The following SPAG16 variants were observed in gnomAD, a reference collection of about 807,000 sequenced individuals.
SPAG16 encodes the protein sperm-associated antigen 16 protein.
In SPAG16, 86 loss-of-function variants were observed where a neutral mutation model predicts 80.4. That is an observed-to-expected ratio of 1.07 (90% CI 0.90 to 1.28). The LOEUF is 1.28. Among genes scored for constraint, SPAG16 ranks in the 50% most tolerant of loss-of-function variants. The pLI is 0.00. For synonymous variants in SPAG16, 294 were observed against 265.9 expected (o/e 1.11, Z -1.03); for missense variants, 870 against 765.3 (o/e 1.14, Z -1.61).
intron 9 of SPAG16, among the ~76,000 whole-genome samples, chr2:213,380,342 C>T (rs778729354): frequency 2.0e-5 from 3 of 152,174 alleles, no homozygotes; most frequent in Non-Finnish European, 4.4e-5. Context: ...ATGAATCAGG[C>T]CCTAGTCTTC....
intron 15 of SPAG16, among the ~76,000 whole-genome samples, chr2:214,317,870 C>A (rs764913628): frequency 6.6e-6 from 1 of 152,170 alleles, no homozygotes; most frequent in Admixed American, 6.5e-5. Context: ...TTGCCTAAAC[C>A]GATCGTGGTC....
intron 10 of SPAG16, among the ~76,000 whole-genome samples, chr2:213,687,713 A>G (rs1454683238): frequency 6.6e-6 from 1 of 152,208 alleles, no homozygotes; most frequent in Non-Finnish European, 1.5e-5. Context: ...CAATTTGAAT[A>G]TAATGTATCT....
At chr2:213,393,986 A>G (rs2067906948) in intron 9 of SPAG16, among the ~76,000 whole-genome samples, 1 of 152,126 alleles carries the variant, frequency 6.6e-6, no homozygotes, top group South Asian at 2.1e-4. Flanking sequence ...TTTGTGATCA[A>G]TTCTATTAAT....
intron 10 of SPAG16, among the ~76,000 whole-genome samples, chr2:213,758,941 GA>G (rs2068495532): frequency 6.6e-6 from 1 of 152,160 alleles, no homozygotes; most frequent in Non-Finnish European, 1.5e-5. Flanking sequence ...TACTTATAAG[GA>G]ATAATCAGTA....
intron 10 of SPAG16, among the ~76,000 whole-genome samples, chr2:213,678,837 C>T (rs1272896135): frequency 6.6e-6 from 1 of 152,136 alleles, no homozygotes; most frequent in Non-Finnish European, 1.5e-5. Flanking sequence ...CTGTTTGGAA[C>T]ACAGAAATGG....
At chr2:214,351,294 A>G (rs548325490) in intron 15 of SPAG16, among the ~76,000 whole-genome samples, 8 of 152,252 alleles carry the variant, frequency 5.3e-5, no homozygotes, top group African/African-American at 1.7e-4. Context: ...GCATTGTAGG[A>G]TCACTTCTGT....
intron 14 of SPAG16, among the ~76,000 whole-genome samples, chr2:214,147,162 C>G (rs1178568039): frequency 1.3e-5 from 2 of 152,098 alleles, no homozygotes; most frequent in African/African-American, 2.4e-5. Flanking sequence ...GCATTTAGCA[C>G]AGTACCTGGC....
chr2:213,700,029 C>G lies in SPAG16; in HGVS notation c.1071-162456C>G, dbSNP rs1252281721. On this transcript the variant is annotated intron_variant, in intron 10 of 15. Transcript: ENST00000331683. ...AAGCAATAGTAGGCTATGATTCCAA[C>G]ATATCTATCTGTCATGATTACAGTT... Among the ~76,000 whole-genome samples the G allele has an allele frequency of 2.0e-5, 3 of 152,108 alleles. No individual in the cohort carries two copies. The East Asian group carries it at 5.8e-4, about 29-fold the overall frequency.
chr2:214,259,530 G>A (rs1362441102), intron 15 of SPAG16, among the ~76,000 whole-genome samples: 1 of 107,516 alleles, frequency 9.3e-6, no homozygotes, highest in Non-Finnish European at 1.8e-5. Context: ...ATTGTCACCT[G>A]CCCCCCTCAC....
chr2:213,866,806 C>T (rs549731683), intron 11 of SPAG16, among the ~76,000 whole-genome samples: 2 of 152,280 alleles, frequency 1.3e-5, no homozygotes, highest in East Asian at 1.9e-4. Context: ...TTGGTGTTTA[C>T]TCTCTTTAAA....
chr2:214,115,660 T>C (rs4673812), intron 14 of SPAG16, among the ~76,000 whole-genome samples: 146,665 of 152,174 alleles, frequency 0.96, 70,824 homozygotes, highest in Non-Finnish European at 0.99. Flanking sequence ...AGGCAGATCA[T>C]GAGGTCAGGA....
intron 15 of SPAG16, among the ~76,000 whole-genome samples, chr2:214,193,914 T>C (rs542191920): frequency 3.2e-4 from 49 of 152,234 alleles, no homozygotes; most frequent in East Asian, 2.1e-3. Context: ...ATTTCTTTAA[T>C]GATAAAATTC....
At position 213,643,346 on chromosome 2, in the gene SPAG16, TTTTATATATA is replaced by T. The variant is rs1217466789; in HGVS notation, c.1070+153258_1070+153267del. Among the ~76,000 whole-genome samples, 26 of 72,674 alleles carry T rather than the reference TTTTATATATA, an allele frequency of 3.6e-4. 4 individuals are homozygous for T. Among genetic ancestry groups the T allele is most frequent in the East Asian group, 2.0e-3 (4 of 2,026 alleles). 47.7% of individuals were successfully genotyped at this position (72,674 alleles called of 152,430 possible). A position where few individuals can be genotyped will look rare whatever the true frequency, so the allele number is the denominator to read the frequency against. ...TGCTGCCAGATGTATTGGATCTTAA[TTTTATATATA>T]TATATATATATATATATATATATAT... On this transcript the variant is annotated intron_variant, in intron 10 of 15. Transcript: ENST00000331683.
chr2:214,143,672 A>G (rs2055487865), intron 14 of SPAG16, among the ~76,000 whole-genome samples: 1 of 152,140 alleles, frequency 6.6e-6, no homozygotes, highest in African/African-American at 2.4e-5. Context: ...TACTTTCTTT[A>G]TATTTATTCA....
At chr2:213,695,537 G>A (rs1269417966) in intron 10 of SPAG16, among the ~76,000 whole-genome samples, 5 of 152,178 alleles carry the variant, frequency 3.3e-5, no homozygotes, top group Non-Finnish European at 7.4e-5. Context: ...GAGGTAATCA[G>A]CTGTTAGAAA....
intron 4 of SPAG16, among the ~76,000 whole-genome samples, chr2:213,316,436 T>C (rs1284548675): frequency 6.6e-6 from 1 of 152,210 alleles, no homozygotes; most frequent in South Asian, 2.1e-4. Context: ...TCTCTGATTC[T>C]ATGCTTGCTA....
chr2:213,753,040 T>G (rs965338584), intron 10 of SPAG16, among the ~76,000 whole-genome samples: 3 of 152,158 alleles, frequency 2.0e-5, no homozygotes, highest in Non-Finnish European at 2.9e-5. Flanking sequence ...TGAGACGGAG[T>G]CTCGCTCTGT....
intron 7 of SPAG16, among the ~76,000 whole-genome samples, chr2:213,359,094 ACAGCAAATATTGCAGAG>A (rs1325585832): frequency 6.6e-6 from 1 of 152,184 alleles, no homozygotes; most frequent in Admixed American, 6.5e-5. Flanking sequence ...AGGCTGTAGA[ACAGCAAATATTGCAGAG>A]CAGCAAATAT....
chr2:214,189,493 C>G (rs138963164), intron 15 of SPAG16, among the ~76,000 whole-genome samples: 1 of 152,162 alleles, frequency 6.6e-6, no homozygotes, highest in Non-Finnish European at 1.5e-5. Context: ...GGTAAACAGT[C>G]TTCTTTTCTC....
Sources: allele counts gnomAD v4.1 joint callset (sites outside exome capture counted in the v4.1 genomes callset), GRCh38; gene constraint gnomAD v4.1.1; transcripts MANE v1.5; gene names NCBI Gene and HGNC (gene_info 2026-07-23, HGNC 2026-07-21).